CDK5RAP2: variants seen among roughly 807,000 people sequenced by gnomAD.
CDK5RAP2 encodes CDK5 regulatory subunit associated protein 2.
A neutral mutation model predicts 232.9 loss-of-function variants in CDK5RAP2; 147 were observed. That is an observed-to-expected ratio of 0.63 (90% CI 0.55 to 0.72). The LOEUF is 0.72. Among genes scored for constraint, CDK5RAP2 ranks in the 30% least tolerant of loss-of-function variants. The pLI is 0.00. For synonymous variants in CDK5RAP2, 833 were observed against 833.7 expected, an observed-to-expected ratio of 1.00 and a Z score of 0.01; for missense variants, 2,195 against 2,231.5, an observed-to-expected ratio of 0.98 and a Z score of 0.33.
chr9:120,420,038 C>G (rs377597841), intron 26 of CDK5RAP2, 78 bp from the exon 27 acceptor site: 4 of 1,165,600 alleles, frequency 3.4e-6, no homozygotes, highest in South Asian at 1.2e-5. Flanking sequence ...CGAATACTTA[C>G]GATTACTTTA....
At position 120,447,929 on chromosome 9, in the gene CDK5RAP2, CT is replaced by C; in HGVS notation, c.2990del (p.Glu997GlyfsTer11). ...ACGTTTTGTCGGGCGTTGGCCTCCC[CT>C]CCATCACTGCTTCAGCCAGAATTAA... ...QKLILAEAVM[E>X]GRPTPDKTLL... On this transcript the variant is annotated frameshift_variant, in exon 22 of 38. Coordinates refer to ENST00000349780, the MANE Select transcript of CDK5RAP2 (RefSeq NM_018249.6). LOFTEE classifies it high-confidence loss of function. 6.2e-7 allele frequency: 1 copy of C among 1,614,204 alleles called. No individual in the cohort carries two copies. The highest frequency in any genetic ancestry group is 8.5e-7 in the Non-Finnish European group (1 of 1,180,024).
At chr9:120,436,043 A>G (rs188489063) in intron 25 of CDK5RAP2, among the ~76,000 whole-genome samples, 7 of 152,388 alleles carry the variant, frequency 4.6e-5, no homozygotes, top group African/African-American at 1.7e-4. Context: ...AGTATCTTCT[A>G]CAAATTATTC....
intron 11 of CDK5RAP2, among the ~76,000 whole-genome samples, chr9:120,523,912 G>C (rs964453012): frequency 2.6e-5 from 4 of 152,104 alleles, no homozygotes; most frequent in African/African-American, 9.7e-5. Flanking sequence ...ATTGGGGGAC[G>C]GAGGGAGGAG....
At chr9:120,424,808 T>C (rs1441170405) in intron 25 of CDK5RAP2, among the ~76,000 whole-genome samples, 1 of 151,528 alleles carries the variant, frequency 6.6e-6, no homozygotes, top group Non-Finnish European at 1.5e-5. Flanking sequence ...CAAGCAATTC[T>C]CATGCCTCAG....
At chr9:120,422,841 T>G in intron 25 of CDK5RAP2, 100 bp from the exon 26 acceptor site, 1 of 829,396 alleles carries the variant, frequency 1.2e-6, no homozygotes, top group Non-Finnish European at 2.1e-6. Context: ...ACTATTCCAC[T>G]TGTTTAAACA....
At chr9:120,565,070 A>T (rs1289994824) in intron 3 of CDK5RAP2, among the ~76,000 whole-genome samples, 1 of 152,224 alleles carries the variant, frequency 6.6e-6, no homozygotes, top group Non-Finnish European at 1.5e-5. Context: ...AAGACCAAAA[A>T]GAAGACATGT....
At chr9:120,489,126 G>A (rs1015560838) in intron 13 of CDK5RAP2, among the ~76,000 whole-genome samples, 2 of 152,202 alleles carry the variant, frequency 1.3e-5, no homozygotes, top group Non-Finnish European at 2.9e-5. Context: ...ACAGAACGCT[G>A]AATTGGAAAT....
At chr9:120,445,838 C>T (rs2036157423) in intron 22 of CDK5RAP2, among the ~76,000 whole-genome samples, 2 of 152,172 alleles carry the variant, frequency 1.3e-5, no homozygotes, top group African/African-American at 2.4e-5. Context: ...CAGACCTCTA[C>T]CCTTGACTCC....
At chr9:120,570,235 G>A (rs1053910800) in intron 2 of CDK5RAP2, among the ~76,000 whole-genome samples, 9 of 152,200 alleles carry the variant, frequency 5.9e-5, no homozygotes, top group East Asian at 5.8e-4. Flanking sequence ...TTCCTCAAAC[G>A]GGCCATGCCC....
At chr9:120,480,575 A>T (rs796862831) in intron 14 of CDK5RAP2, among the ~76,000 whole-genome samples, 56 of 151,990 alleles carry the variant, frequency 3.7e-4, no homozygotes, top group African/African-American at 1.1e-3. Context: ...TTTCCATAGC[A>T]TAATTTTTTT....
intron 20 of CDK5RAP2, 91 bp from the exon 21 acceptor site, chr9:120,453,964 G>T: frequency 7.7e-7 from 1 of 1,299,368 alleles, no homozygotes; most frequent in Non-Finnish European, 1.1e-6. Context: ...CCCACCTACT[G>T]TTGCCCAGAT....
chr9:120,467,639 A>T (rs192264865), intron 18 of CDK5RAP2, among the ~76,000 whole-genome samples: 4 of 152,278 alleles, frequency 2.6e-5, no homozygotes. Flanking sequence ...ATATATATGA[A>T]TATATGGTTT....
intron 22 of CDK5RAP2, among the ~76,000 whole-genome samples, chr9:120,444,035 G>GA (rs1359848527): frequency 6.6e-6 from 1 of 152,194 alleles, no homozygotes. Context: ...AGGCCCTAGG[G>GA]TCTCCTGGGC....
intron 14 of CDK5RAP2, among the ~76,000 whole-genome samples, chr9:120,484,965 C>A (rs1638831469): frequency 6.6e-6 from 1 of 151,848 alleles, no homozygotes. Flanking sequence ...CTCAAGCAAT[C>A]CTCCTGTCTC....
chr9:120,535,120 C>T (rs986105573), intron 7 of CDK5RAP2, among the ~76,000 whole-genome samples: 7 of 152,312 alleles, frequency 4.6e-5, no homozygotes, highest in African/African-American at 7.2e-5. Context: ...CCAGTTTCCT[C>T]ACTCACCTTG....
chr9:120,501,898 C>G (rs1207723314), intron 12 of CDK5RAP2, among the ~76,000 whole-genome samples: 1 of 152,210 alleles, frequency 6.6e-6, no homozygotes, highest in African/African-American at 2.4e-5. Flanking sequence ...TCAAGGAAAG[C>G]ACTCAATAAG....
chr9:120,534,567 G>A (rs2131952251), intron 7 of CDK5RAP2, among the ~76,000 whole-genome samples: 1 of 152,266 alleles, frequency 6.6e-6, no homozygotes, highest in East Asian at 1.9e-4. Context: ...ACTGTGCTGA[G>A]TAGAAGATGC....
chr9:120,550,904 T>C lies in CDK5RAP2; in HGVS notation c.196-2A>G. 3 of 1,573,056 alleles carry C rather than the reference T, an allele frequency of 1.9e-6. No homozygotes were observed. The highest frequency in any genetic ancestry group is 2.6e-6 in the Non-Finnish European group (3 of 1,142,694). Reference sequence around the variant, plus strand: ...TTCTTTCTTCAATTCAGTGATTTGCTGAAAAATATCACAGAAGGGTCATCA... The same window carrying C: ...TTCTTTCTTCAATTCAGTGATTTGCCGAAAAATATCACAGAAGGGTCATCA... On this transcript the variant is annotated splice_acceptor_variant, in intron 3 of 37. Coordinates refer to ENST00000349780, the MANE Select transcript of CDK5RAP2 (RefSeq NM_018249.6). LOFTEE classifies it high-confidence loss of function.
intron 30 of CDK5RAP2, among the ~76,000 whole-genome samples, 154 bp downstream of exon 30, chr9:120,408,973 A>C (rs569066822): frequency 6.6e-6 from 1 of 152,198 alleles, no homozygotes; most frequent in Admixed American, 6.5e-5. Context: ...ATCTTTCTCC[A>C]TATGTTGTAG....
Sources: allele counts gnomAD v4.1 joint callset (sites outside exome capture counted in the v4.1 genomes callset), GRCh38; gene constraint gnomAD v4.1.1; transcripts MANE v1.5; gene names NCBI Gene and HGNC (gene_info 2026-07-23, HGNC 2026-07-21).